CSMD1: variants seen among roughly 807,000 people sequenced by gnomAD.
CSMD1 encodes the protein CUB and Sushi multiple domains 1, also known as CUB and sushi domain-containing protein 1.
A neutral mutation model predicts 417.5 loss-of-function variants in CSMD1; 213 were observed. The observed-to-expected ratio is 0.51, with a 90% CI of 0.46 to 0.57. The LOEUF (loss-of-function observed/expected upper bound fraction) is 0.57, where lower values mean the gene tolerates loss of function less well. Among genes scored for constraint, CSMD1 ranks in the 20% least tolerant of loss-of-function variants. CSMD1 has a pLI of 0.00. For synonymous variants in CSMD1, 2,862 were observed against 1,736.8 expected, an observed-to-expected ratio of 1.65 and a Z score of -16.11; for missense variants, 6,923 against 4,529.7, an observed-to-expected ratio of 1.53 and a Z score of -15.17.
intron 38 of CSMD1, among the ~76,000 whole-genome samples, chr8:3,159,526 G>A (rs1819748804): frequency 6.6e-6 from 1 of 152,146 alleles, no homozygotes; most frequent in Non-Finnish European, 1.5e-5. Flanking sequence ...ACTATGCAAG[G>A]AACAATGCTT....
At chr8:3,621,021 T>G (rs80344588) in intron 7 of CSMD1, among the ~76,000 whole-genome samples, 18 of 152,230 alleles carry the variant, frequency 1.2e-4, no homozygotes, top group Non-Finnish European at 2.2e-4. Flanking sequence ...ACTGGTGCCC[T>G]TCTAAGAAGG....
At chr8:4,837,891 C>A (rs540614551) in intron 1 of CSMD1, among the ~76,000 whole-genome samples, 123 of 151,812 alleles carry the variant, frequency 8.1e-4, no homozygotes, top group African/African-American at 2.9e-3. Flanking sequence ...CTAACGTGAA[C>A]CCCAAAATTA....
At chr8:3,356,597 C>G (rs1469011351) in intron 21 of CSMD1, among the ~76,000 whole-genome samples, 4 of 152,200 alleles carry the variant, frequency 2.6e-5, no homozygotes, top group Non-Finnish European at 4.4e-5. Flanking sequence ...ATTGCTTGAA[C>G]CTGGGAGGCA....
At chr8:3,734,624 T>A (rs1340754951) in intron 6 of CSMD1, among the ~76,000 whole-genome samples, 1 of 152,110 alleles carries the variant, frequency 6.6e-6, no homozygotes, top group Non-Finnish European at 1.5e-5. Context: ...GGCAGGAGAA[T>A]TGCTTGAACC....
At chr8:4,445,406 T>G (rs976003971) in intron 2 of CSMD1, among the ~76,000 whole-genome samples, 2 of 152,204 alleles carry the variant, frequency 1.3e-5, no homozygotes, top group Admixed American at 6.5e-5. Flanking sequence ...TTTGGATTAT[T>G]CTAATACTAT....
chr8:3,903,179 A>C (rs1343410604), intron 5 of CSMD1, among the ~76,000 whole-genome samples: 1 of 152,032 alleles, frequency 6.6e-6, no homozygotes, highest in Non-Finnish European at 1.5e-5. Context: ...ATTGAGTATT[A>C]AGTGTTCTTC....
intron 6 of CSMD1, among the ~76,000 whole-genome samples, chr8:3,738,708 G>A (rs1285446641): frequency 6.6e-6 from 1 of 152,188 alleles, no homozygotes; most frequent in African/African-American, 2.4e-5. Context: ...CATGGAAGGT[G>A]CCACCCTGTG....
intron 3 of CSMD1, among the ~76,000 whole-genome samples, chr8:4,037,552 G>A (rs762519950): frequency 6.6e-6 from 1 of 152,168 alleles, no homozygotes; most frequent in Non-Finnish European, 1.5e-5. Flanking sequence ...ATCAGACATA[G>A]CCTTTGCAAG....
intron 10 of CSMD1, among the ~76,000 whole-genome samples, chr8:3,517,312 G>T (rs908280434): frequency 4.6e-5 from 7 of 152,208 alleles, no homozygotes; most frequent in Non-Finnish European, 8.8e-5. Context: ...AGGGCTGGCA[G>T]AGAACAGGCA....
chr8:4,954,840 G>C (rs1276853426), intron 1 of CSMD1, among the ~76,000 whole-genome samples: 1 of 152,142 alleles, frequency 6.6e-6, no homozygotes, highest in African/African-American at 2.4e-5. Context: ...TTTGCTTTTG[G>C]TGTTGACAAG....
At chr8:4,893,759 G>C (rs1208683594) in intron 1 of CSMD1, among the ~76,000 whole-genome samples, 1 of 152,016 alleles carries the variant, frequency 6.6e-6, no homozygotes, top group East Asian at 1.9e-4. Context: ...ATTAATCTAT[G>C]TGCTGCTTTC....
chr8:2,957,670 A>G, intron 63 of CSMD1, 26 bp downstream of exon 63: 1 of 1,372,900 alleles, frequency 7.3e-7, no homozygotes, highest in Non-Finnish European at 1.0e-6. Context: ...GTGACTTGTG[A>G]TGGGGGTGGA....
intron 6 of CSMD1, among the ~76,000 whole-genome samples, chr8:3,753,520 C>T (rs1797473845): frequency 6.6e-6 from 1 of 152,122 alleles, no homozygotes; most frequent in Non-Finnish European, 1.5e-5. Flanking sequence ...GGTGTGAAGA[C>T]CTTTTAGGAT....
At chr8:3,754,097 C>A in intron 5 of CSMD1, 55 bp from the exon 6 acceptor site, 1 of 1,180,936 alleles carries the variant, frequency 8.5e-7, no homozygotes, top group Non-Finnish European at 1.2e-6. Flanking sequence ...GAGCAAATGT[C>A]CTATATCAAA....
chr8:3,307,664 C>CAAATCACTGAAACCAA (rs1584969738), intron 25 of CSMD1, 31 bp downstream of exon 25: 5 of 1,606,732 alleles, frequency 3.1e-6, no homozygotes, highest in East Asian at 2.2e-5. Flanking sequence ...TCTCTTTTCT[C>CAAATCACTGAAACCAA]AAATCACTGA....
intron 2 of CSMD1, among the ~76,000 whole-genome samples, chr8:4,557,993 G>C (rs938043397): frequency 2.6e-5 from 4 of 152,126 alleles, no homozygotes; most frequent in African/African-American, 9.7e-5. Flanking sequence ...ACAGTGACCA[G>C]CTGCCTTTGA....
chr8:4,452,091 G>A (rs78914831), intron 2 of CSMD1, among the ~76,000 whole-genome samples: 1 of 152,102 alleles, frequency 6.6e-6, no homozygotes, highest in Non-Finnish European at 1.5e-5. Flanking sequence ...GCTTTCTTTA[G>A]AAATTTAGGG....
chr8:4,210,007 T>A (rs547455429), intron 3 of CSMD1, among the ~76,000 whole-genome samples: 1 of 152,266 alleles, frequency 6.6e-6, no homozygotes, highest in South Asian at 2.1e-4. Flanking sequence ...CTGCCCCAGA[T>A]CTGTTTTAGC....
intron 3 of CSMD1, among the ~76,000 whole-genome samples, chr8:4,343,096 G>A (rs556652090): frequency 6.6e-6 from 1 of 152,020 alleles, no homozygotes; most frequent in South Asian, 2.1e-4. Flanking sequence ...AGTGACCAAG[G>A]GATATGGGGT....
Sources: gnomAD v4.1 joint callset for allele counts (sites outside exome capture counted in the v4.1 genomes callset) on GRCh38, gnomAD v4.1.1 for gene constraint, MANE v1.5 for transcripts, NCBI Gene and HGNC (gene_info 2026-07-23, HGNC 2026-07-21) for gene names.